ZRANB3: variants seen among roughly 807,000 people sequenced by gnomAD.
The protein encoded by ZRANB3 is zinc finger RANBP2-type containing 3.
A neutral mutation model predicts 133.8 loss-of-function variants in ZRANB3; 125 were observed. The ratio of observed to expected loss-of-function variants is 0.93; its 90% CI spans 0.81 to 1.08. The LOEUF (loss-of-function observed/expected upper bound fraction) is 1.08. Ranked by LOEUF, ZRANB3 falls within the 50% of genes least tolerant of loss-of-function variation. The pLI, the probability that ZRANB3 is intolerant of heterozygous loss-of-function variation, is 0.00. For synonymous variants in ZRANB3, 387 were observed against 432.7 expected (o/e 0.89, Z 1.31); for missense variants, 1,229 against 1,275.5 (o/e 0.96, Z 0.56).
chr2:135,523,332 A>G (rs2104845088), intron 1 of ZRANB3, among the ~76,000 whole-genome samples: 1 of 152,296 alleles, frequency 6.6e-6, no homozygotes, highest in East Asian at 1.9e-4. Context: ...GATTAGCACA[A>G]CAGCTCCCAA....
intron 3 of ZRANB3, among the ~76,000 whole-genome samples, chr2:135,385,635 C>A (rs560480842): frequency 2.0e-5 from 3 of 152,252 alleles, no homozygotes; most frequent in South Asian, 4.1e-4. Context: ...GGTACCAAAA[C>A]AGATATATTG....
At chr2:135,394,802 T>C (rs1037834101) in intron 2 of ZRANB3, among the ~76,000 whole-genome samples, 2 of 151,812 alleles carry the variant, frequency 1.3e-5, no homozygotes, top group African/African-American at 4.8e-5. Flanking sequence ...CAAAAGAGAA[T>C]GAGAAGGAAT....
At chr2:135,217,815 C>A (rs917502515) in intron 16 of ZRANB3, among the ~76,000 whole-genome samples, 1 of 151,946 alleles carries the variant, frequency 6.6e-6, no homozygotes, top group African/African-American at 2.4e-5. Flanking sequence ...AGAGATATCT[C>A]TTTTTTTTCT....
intron 12 of ZRANB3, 87 bp downstream of exon 12, chr2:135,265,447 T>G: frequency 1.5e-6 from 2 of 1,339,482 alleles, no homozygotes; most frequent in Non-Finnish European, 2.0e-6. Context: ...CATAAATAAT[T>G]GAGAGTTGCT....
intron 2 of ZRANB3, among the ~76,000 whole-genome samples, chr2:135,402,342 T>A (rs916548977): frequency 6.6e-6 from 1 of 151,010 alleles, no homozygotes; most frequent in Non-Finnish European, 1.5e-5. Flanking sequence ...TTGCCCGGGC[T>A]GCAGTGCAGT....
chr2:135,270,496 A>C (rs1472830857), intron 10 of ZRANB3, among the ~76,000 whole-genome samples: 1 of 152,170 alleles, frequency 6.6e-6, no homozygotes, highest in Non-Finnish European at 1.5e-5. Context: ...TTAATTTCAA[A>C]AGGTCCTAGA....
intron 17 of ZRANB3, among the ~76,000 whole-genome samples, chr2:135,209,278 A>C (rs1002136992): frequency 6.6e-6 from 1 of 152,330 alleles, no homozygotes; most frequent in Middle Eastern, 3.4e-3. Flanking sequence ...CGGTGTGAGA[A>C]TAAGAAATGA....
chr2:135,217,577 G>T lies in ZRANB3; in HGVS notation c.2383C>A (p.Leu795Ile). ...ATTATCCTTTGCTTCATGGCAGTTA[G>T]ACTACTCCATTCTCGAACAAATCTC... ...ILRFVREWSS[L>I]TAMKQRIIRK... Residue 795 changes from leucine to isoleucine, a missense_variant, in exon 17 of 21, where the codon CTA (leucine) becomes ATA (isoleucine). By Grantham distance (5) the Leu-to-Ile change is conservative (BLOSUM62 2). Transcript: ENST00000264159. 6.2e-7 allele frequency: 1 copy of T among 1,613,302 alleles called. No homozygotes were observed. Among genetic ancestry groups the T allele is most frequent in the Middle Eastern group, 1.7e-4 (1 of 6,056 alleles).
At chr2:135,248,731 C>G (rs879232893) in intron 12 of ZRANB3, among the ~76,000 whole-genome samples, 1 of 152,062 alleles carries the variant, frequency 6.6e-6, no homozygotes, top group Non-Finnish European at 1.5e-5. Flanking sequence ...AATTGTGAAA[C>G]CCTATCCTTA....
chr2:135,320,288 T>C (rs113321222), intron 6 of ZRANB3, among the ~76,000 whole-genome samples: 1 of 152,152 alleles, frequency 6.6e-6, no homozygotes, highest in Non-Finnish European at 1.5e-5. Context: ...AAATGCATTA[T>C]CAAAGAGGTA....
intron 2 of ZRANB3, among the ~76,000 whole-genome samples, chr2:135,453,902 A>G (rs1690381920): frequency 6.6e-6 from 1 of 152,202 alleles, no homozygotes; most frequent in Non-Finnish European, 1.5e-5. Context: ...ACTGATACCA[A>G]TTATTGTATT....
At chr2:135,239,916 G>A (rs1695477288) in intron 12 of ZRANB3, among the ~76,000 whole-genome samples, 1 of 151,914 alleles carries the variant, frequency 6.6e-6, no homozygotes, top group Non-Finnish European at 1.5e-5. Flanking sequence ...CCTGGGAGGT[G>A]GAGGTTGCAT....
intron 2 of ZRANB3, among the ~76,000 whole-genome samples, chr2:135,439,246 G>A (rs1456203595): frequency 6.6e-6 from 1 of 152,100 alleles, no homozygotes; most frequent in African/African-American, 2.4e-5. Context: ...ACTAATAAAT[G>A]TCAACTGTGT....
At position 135,243,532 on chromosome 2, in the gene ZRANB3, T is replaced by G. The variant is rs187170354; in HGVS notation, c.1540-12605A>C. ...AAATAATAATTTAAAAAAATTACCATTAATTAAGGAATCTTTCTTAATCTG... is the reference window on the plus strand; with the variant it reads ...AAATAATAATTTAAAAAAATTACCAGTAATTAAGGAATCTTTCTTAATCTG... On this transcript the variant is annotated intron_variant, in intron 12 of 20. Coordinates refer to ENST00000264159, the MANE Select transcript of ZRANB3 (RefSeq NM_032143.4). 2.2e-4 allele frequency among the ~76,000 whole-genome samples: 33 copies of G among 152,270 alleles called. 1 individual carries two copies. In the East Asian group the frequency reaches 6.4e-3, roughly 29 times the overall value.
At chr2:135,354,699 A>G (rs1188851450) in intron 3 of ZRANB3, among the ~76,000 whole-genome samples, 1 of 152,180 alleles carries the variant, frequency 6.6e-6, no homozygotes, top group African/African-American at 2.4e-5. Context: ...CTATGATTCT[A>G]TTTATATGTC....
chr2:135,344,815 C>T (rs1407612000), intron 6 of ZRANB3, among the ~76,000 whole-genome samples: 1 of 152,136 alleles, frequency 6.6e-6, no homozygotes, highest in East Asian at 1.9e-4. Context: ...ATCTACAATA[C>T]ATACTAGACG....
At chr2:135,381,327 T>G (rs565766096) in intron 3 of ZRANB3, among the ~76,000 whole-genome samples, 4 of 152,236 alleles carry the variant, frequency 2.6e-5, no homozygotes, top group African/African-American at 9.6e-5. Context: ...TTGCTGAGGC[T>G]TGAGTAGGTA....
intron 8 of ZRANB3, among the ~76,000 whole-genome samples, chr2:135,303,863 C>T (rs1056122221): frequency 6.6e-6 from 1 of 152,210 alleles, no homozygotes; most frequent in East Asian, 1.9e-4. Flanking sequence ...TTTTTGTTGA[C>T]TTTATTCTAA....
intron 2 of ZRANB3, among the ~76,000 whole-genome samples, chr2:135,399,139 C>T (rs1687629757): frequency 1.3e-5 from 2 of 152,130 alleles, no homozygotes; most frequent in Admixed American, 6.6e-5. Flanking sequence ...CATGGACCAA[C>T]AGTAAAAAGG....
Sources: gnomAD v4.1 joint callset for allele counts (sites outside exome capture counted in the v4.1 genomes callset) on GRCh38, gnomAD v4.1.1 for gene constraint, MANE v1.5 for transcripts, NCBI Gene and HGNC (gene_info 2026-07-23, HGNC 2026-07-21) for gene names.